Variants in PPP2R5C observed in about 807,000 individuals in gnomAD.
The protein encoded by PPP2R5C is serine/threonine-protein phosphatase 2A 56 kDa regulatory subunit gamma isoform.
In PPP2R5C, 7 loss-of-function variants were observed where a neutral mutation model predicts 68.9. The observed-to-expected ratio is 0.10, with a 90% CI of 0.06 to 0.19. The LOEUF is 0.19. PPP2R5C is among the 10% of genes least tolerant of loss of function. The pLI, the probability that PPP2R5C is intolerant of heterozygous loss-of-function variation, is 1.00. For synonymous variants in PPP2R5C, 210 were observed against 222.2 expected, an observed-to-expected ratio of 0.95 and a Z score of 0.49; for missense variants, 348 against 641.3, an observed-to-expected ratio of 0.54 and a Z score of 4.94.
intron 2 of PPP2R5C, among the ~76,000 whole-genome samples, chr14:101,779,354 A>T (rs1368696551): frequency 7.2e-5 from 11 of 152,164 alleles, no homozygotes; most frequent in Admixed American, 6.5e-4. Context: ...AGTGTAAGGG[A>T]ACCCCCTTAA....
intron 2 of PPP2R5C, among the ~76,000 whole-genome samples, chr14:101,876,619 C>G (rs375080304): frequency 6.6e-6 from 1 of 152,112 alleles, no homozygotes. Flanking sequence ...ATAAATTTAG[C>G]AATTTGGAGA....
chr14:101,795,011 C>T (rs917144917), intron 3 of PPP2R5C, among the ~76,000 whole-genome samples: 1 of 152,166 alleles, frequency 6.6e-6, no homozygotes, highest in East Asian at 1.9e-4. Context: ...TAAAATGTTA[C>T]ATAGTGGTGG....
At chr14:101,881,656 G>A (rs1213555805) in intron 2 of PPP2R5C, among the ~76,000 whole-genome samples, 1 of 152,210 alleles carries the variant, frequency 6.6e-6, no homozygotes, top group Admixed American at 6.5e-5. Flanking sequence ...GTCCCACTCT[G>A]ACTGTTGCTT....
rs980949647 is a variant in PPP2R5C at position 101,835,482 on chromosome 14, C to T, written c.95-21204C>T. 6.6e-6 allele frequency among the ~76,000 whole-genome samples: 1 copy of T among 152,186 alleles called. No homozygotes were observed. The highest frequency in any genetic ancestry group is 6.5e-5 in the Admixed American group (1 of 15,282). ...CTTGCAGTTAAGGTAGTGTCCCAGA[C>T]GTTTGTTCAGAGGGCTCCTTCCCAC... is the stretch of plus-strand genomic sequence containing the variant. On this transcript the variant is annotated intron_variant, in intron 1 of 13. Coordinates refer to ENST00000334743, the Ensembl canonical transcript of PPP2R5C. This position sits in a 1 kb window ranked among gnomAD's most constrained non-coding sequence, Gnocchi z 5.0.
intron 3 of PPP2R5C, chr14:101,789,725 G>C (rs55653718): frequency 0.21 from 32,353 of 151,806 alleles, 3,924 homozygotes; most frequent in African/African-American, 0.33. Context: ...GGGTGGCCTG[G>C]AGCAGCTTTT....
intron 1 of PPP2R5C, chr14:101,823,752 G>A (rs1437407057): frequency 5.5e-6 from 6 of 1,085,544 alleles, no homozygotes; most frequent in Middle Eastern, 4.4e-4. Context: ...TCACGGTTCT[G>A]GGCTCACCCC....
chr14:101,763,995 T>C (rs762947760), intron 2 of PPP2R5C, among the ~76,000 whole-genome samples: 13 of 148,936 alleles, frequency 8.7e-5, no homozygotes, highest in Admixed American at 4.0e-4. Context: ...ATTTTATTAT[T>C]GTTCACATTG....
intron 5 of PPP2R5C, among the ~76,000 whole-genome samples, chr14:101,884,518 G>A (rs955877891): frequency 1.3e-5 from 2 of 152,252 alleles, no homozygotes; most frequent in African/African-American, 4.8e-5. Flanking sequence ...TCTGTAGAAA[G>A]CCTGAGATCT....
At chr14:101,764,157 C>G (rs559974442) in intron 2 of PPP2R5C, among the ~76,000 whole-genome samples, 2 of 152,258 alleles carry the variant, frequency 1.3e-5, no homozygotes, top group Non-Finnish European at 2.9e-5. Flanking sequence ...TGTTCCTTCA[C>G]ACCGTGAAGT....
At chr14:101,920,005 C>T (rs1217984140) in intron 13 of PPP2R5C, among the ~76,000 whole-genome samples, 1 of 123,758 alleles carries the variant, frequency 8.1e-6, no homozygotes, top group African/African-American at 3.7e-5. Flanking sequence ...AATTCTTACA[C>T]ATTAAATAGC....
chr14:101,888,852 A>G lies in PPP2R5C; in HGVS notation c.630-1385A>G, dbSNP rs977891165. ...GGTGATCCACCTGCTTCAGCCTCCCAAAGTGCTGGGATTACAGGCATGAGC... is the reference window on the plus strand; with the variant it reads ...GGTGATCCACCTGCTTCAGCCTCCCGAAGTGCTGGGATTACAGGCATGAGC... On this transcript the variant is annotated intron_variant, in intron 5 of 13. Transcript: ENST00000334743. The surrounding 1 kb of genome is among the most constrained non-coding windows in gnomAD (Gnocchi z 5.6). 1.3e-5 allele frequency among the ~76,000 whole-genome samples: 2 copies of G among 152,122 alleles called. No homozygotes were observed. Among genetic ancestry groups the G allele is most frequent in the African/African-American group, 4.8e-5 (2 of 41,428 alleles).
intron 2 of PPP2R5C, among the ~76,000 whole-genome samples, chr14:101,769,678 ATT>A (rs2037050334): frequency 6.6e-6 from 1 of 152,142 alleles, no homozygotes; most frequent in Non-Finnish European, 1.5e-5. Context: ...AAAGTAGAGT[ATT>A]TTGGTTTTTT....
At chr14:101,911,092 G>A (rs1424232664) in intron 11 of PPP2R5C, among the ~76,000 whole-genome samples, 1 of 146,710 alleles carries the variant, frequency 6.8e-6, no homozygotes, top group Non-Finnish European at 1.5e-5. Flanking sequence ...GACAGAGAGA[G>A]ACTCCGTCTC....
intron 11 of PPP2R5C, among the ~76,000 whole-genome samples, chr14:101,911,744 G>A (rs1447277990): frequency 3.9e-5 from 6 of 151,922 alleles, no homozygotes; most frequent in Non-Finnish European, 8.8e-5. Flanking sequence ...TTAGCCGGGC[G>A]GTAGTAGCAC....
chr14:101,840,388 C>A (rs1005751425), intron 1 of PPP2R5C, among the ~76,000 whole-genome samples: 1 of 127,944 alleles, frequency 7.8e-6, no homozygotes, highest in Admixed American at 7.6e-5. Context: ...TTAATAGCAG[C>A]CAGCGTCTCT....
chr14:101,921,383 GA>G, intron 13 of PPP2R5C: 1 of 153,284 alleles, frequency 6.5e-6, no homozygotes, highest in Non-Finnish European at 1.5e-5. Flanking sequence ...TTCTTAAGTT[GA>G]AAAATGTTTG....
intron 2 of PPP2R5C, among the ~76,000 whole-genome samples, chr14:101,772,179 CA>C (rs1205770018): frequency 6.6e-6 from 1 of 151,946 alleles, no homozygotes; most frequent in African/African-American, 2.4e-5. Flanking sequence ...TATGAAATAT[CA>C]AATTTAAGGT....
At position 101,781,634 on chromosome 14, in the gene PPP2R5C, A is replaced by AGCCTCCGGC. The variant is rs1439320974; in HGVS notation, c.94-4383_94-4375dup. ...CTTAGCTCCCGCCGGCCGCCTCCGG[A>AGCCTCCGGC]GCCTCCGGCATGGGCCCCAGGCCGG... On this transcript the variant is annotated intron_variant, in intron 2 of 14. Coordinates refer to the PPP2R5C transcript ENST00000328724. This position sits in a 1 kb window ranked among gnomAD's most constrained non-coding sequence, Gnocchi z 6.4. 2.6e-5 allele frequency among the ~76,000 whole-genome samples: 4 copies of AGCCTCCGGC among 152,090 alleles called. No homozygotes were observed. In the East Asian group the frequency reaches 7.8e-4, roughly 30 times the overall value.
At chr14:101,903,378 G>A (rs1461118889) in intron 9 of PPP2R5C, among the ~76,000 whole-genome samples, 7 of 152,184 alleles carry the variant, frequency 4.6e-5, no homozygotes, top group Non-Finnish European at 2.9e-5. Flanking sequence ...CAAGGTGGCC[G>A]CGCAGCTGCC....
Sources: allele counts gnomAD v4.1 joint callset (sites outside exome capture counted in the v4.1 genomes callset), GRCh38; gene constraint gnomAD v4.1.1; non-coding constraint Gnocchi (gnomAD v3.1); transcripts MANE v1.5; gene names NCBI Gene and HGNC (gene_info 2026-07-23, HGNC 2026-07-21).